Variants in EDIL3 observed in about 807,000 individuals in gnomAD.
The protein encoded by EDIL3 is EGF like and discoidin domains 3.
Under a neutral mutation model 67.4 loss-of-function variants are expected in EDIL3, and 37 were observed. The ratio of observed to expected loss-of-function variants is 0.55; its 90% confidence interval spans 0.42 to 0.72. The LOEUF is 0.72. Ranked by LOEUF, EDIL3 falls within the 30% of genes least tolerant of loss-of-function variation. The probability of loss-of-function intolerance (pLI) is 0.00; values close to 1 mark genes in which losing one functional copy is unlikely to be tolerated. For synonymous variants in EDIL3, 195 were observed against 196.3 expected (o/e 0.99, Z 0.05); for missense variants, 527 against 586.3 (o/e 0.90, Z 1.04).
At chr5:84,153,307 A>AT (rs1020869659) in intron 4 of EDIL3, among the ~76,000 whole-genome samples, 1 of 151,588 alleles carries the variant, frequency 6.6e-6, no homozygotes, top group East Asian at 1.9e-4. Flanking sequence ...TATTATTATT[A>AT]TTTTTTTGAG....
intron 1 of EDIL3, among the ~76,000 whole-genome samples, chr5:84,338,545 G>C (rs937199071): frequency 6.6e-6 from 1 of 152,044 alleles, no homozygotes; most frequent in Non-Finnish European, 1.5e-5. Context: ...GGACCAAAAG[G>C]GTGGAAATTG....
intron 10 of EDIL3, among the ~76,000 whole-genome samples, chr5:83,961,311 C>T (rs1237934249): frequency 2.0e-5 from 3 of 150,832 alleles, no homozygotes; most frequent in Non-Finnish European, 4.5e-5. Flanking sequence ...ACAGATAGTA[C>T]AAGTAGACAG....
chr5:84,141,664 T>C (rs547652013), intron 4 of EDIL3, among the ~76,000 whole-genome samples: 17 of 149,080 alleles, frequency 1.1e-4, no homozygotes, highest in Non-Finnish European at 1.9e-4. Context: ...CAAATTACTT[T>C]GAACCAAAAA....
chr5:83,991,133 T>C (rs1256209945), intron 9 of EDIL3, among the ~76,000 whole-genome samples: 1 of 152,146 alleles, frequency 6.6e-6, no homozygotes, highest in East Asian at 1.9e-4. Context: ...ATTAAACATG[T>C]ATATTCTTTG....
intron 4 of EDIL3, 53 bp from the exon 5 acceptor site, chr5:84,137,407 G>C (rs1748112892): frequency 6.7e-7 from 1 of 1,501,058 alleles, no homozygotes; most frequent in Non-Finnish European, 9.2e-7. Flanking sequence ...AAAATGATTA[G>C]ATATTGGAAA....
At chr5:84,290,788 T>C (rs1203384769) in intron 1 of EDIL3, among the ~76,000 whole-genome samples, 4 of 152,172 alleles carry the variant, frequency 2.6e-5, no homozygotes, top group African/African-American at 7.2e-5. Context: ...TCTAGGTGCA[T>C]GTAAAATAAA....
intron 2 of EDIL3, among the ~76,000 whole-genome samples, chr5:84,235,350 G>A (rs1338881671): frequency 6.6e-6 from 1 of 152,114 alleles, no homozygotes; most frequent in Non-Finnish European, 1.5e-5. Context: ...CATTGGATTT[G>A]CATAGAAAAT....
At chr5:84,155,700 C>CT in intron 4 of EDIL3, among the ~76,000 whole-genome samples, 1 of 152,144 alleles carries the variant, frequency 6.6e-6, no homozygotes, top group Non-Finnish European at 1.5e-5. Context: ...CCAATCATAT[C>CT]TTTTATAACC....
At chr5:84,295,422 A>G (rs949760664) in intron 1 of EDIL3, among the ~76,000 whole-genome samples, 63 of 152,030 alleles carry the variant, frequency 4.1e-4, no homozygotes, top group African/African-American at 1.4e-3. Context: ...AAGCAACAGG[A>G]AAGTCTATCA....
Position 84,263,383 on chromosome 5 carries a change from G to A in EDIL3, c.68-9171C>T, listed in dbSNP as rs773421441. On this transcript the variant is annotated intron_variant, in intron 1 of 10. Transcript: ENST00000296591. ...CCTAGATGAAGGCACATCCACAGGA[G>A]TGGTAGGCATCAGTGCCAGCCTGAA... Among the ~76,000 whole-genome samples, 28 of 152,232 alleles carry A rather than the reference G, an allele frequency of 1.8e-4. 1 individual carries two copies. Among genetic ancestry groups the A allele is most frequent in the African/African-American group, 4.8e-5 (2 of 41,462 alleles).
At chr5:84,045,109 G>A (rs1445546933) in intron 9 of EDIL3, among the ~76,000 whole-genome samples, 3 of 152,016 alleles carry the variant, frequency 2.0e-5, no homozygotes, top group African/African-American at 7.2e-5. Context: ...AAGAGAAAGA[G>A]GAAAACCCTT....
At chr5:84,356,636 C>G (rs192950130) in intron 1 of EDIL3, among the ~76,000 whole-genome samples, 1 of 151,812 alleles carries the variant, frequency 6.6e-6, no homozygotes, top group Non-Finnish European at 1.5e-5. Context: ...AGATTTGTAG[C>G]GTAATCATAT....
intron 5 of EDIL3, among the ~76,000 whole-genome samples, chr5:84,123,976 T>A (rs1166043726): frequency 1.3e-5 from 2 of 151,982 alleles, no homozygotes; most frequent in Non-Finnish European, 2.9e-5. Flanking sequence ...GTTCATTATG[T>A]TTAAACAAGT....
chr5:84,127,158 T>C (rs1747883025), intron 5 of EDIL3, among the ~76,000 whole-genome samples: 1 of 152,070 alleles, frequency 6.6e-6, no homozygotes, highest in Non-Finnish European at 1.5e-5. Context: ...ATTTATAGGC[T>C]TCCTTATATA....
chr5:84,040,497 GTATA>G (rs1746100571), intron 9 of EDIL3, among the ~76,000 whole-genome samples: 1 of 147,762 alleles, frequency 6.8e-6, no homozygotes, highest in Non-Finnish European at 1.5e-5. Context: ...TATATAAAGG[GTATA>G]TATAGATATA....
intron 1 of EDIL3, among the ~76,000 whole-genome samples, chr5:84,260,208 A>G (rs1204054750): frequency 6.6e-6 from 1 of 152,226 alleles, no homozygotes; most frequent in Admixed American, 6.5e-5. Context: ...CTGATGAGAA[A>G]AACAGCAAAT....
chr5:84,074,937 T>G (rs2112250537), intron 6 of EDIL3, among the ~76,000 whole-genome samples: 1 of 152,240 alleles, frequency 6.6e-6, no homozygotes, highest in African/African-American at 2.4e-5. Flanking sequence ...TAGCAAAGAC[T>G]TGGAACCAAC....
chr5:84,021,684 T>G (rs1379939000), intron 9 of EDIL3, among the ~76,000 whole-genome samples: 1 of 152,018 alleles, frequency 6.6e-6, no homozygotes, highest in Non-Finnish European at 1.5e-5. Flanking sequence ...AGTTGTTGGC[T>G]AAAATGTTCT....
chr5:84,302,646 T>C (rs1404895255), intron 1 of EDIL3, among the ~76,000 whole-genome samples: 1 of 152,208 alleles, frequency 6.6e-6, no homozygotes, highest in Non-Finnish European at 1.5e-5. Context: ...AGGTTTGGCA[T>C]GGGTTTATCC....
Sources: allele counts gnomAD v4.1 joint callset (sites outside exome capture counted in the v4.1 genomes callset), GRCh38; gene constraint gnomAD v4.1.1; transcripts MANE v1.5; gene names NCBI Gene and HGNC (gene_info 2026-07-23, HGNC 2026-07-21).